Variants in PLEKHH2 observed in about 807,000 individuals in gnomAD.
The protein encoded by PLEKHH2 is pleckstrin homology, MyTH4 and FERM domain containing H2, also known as pleckstrin homology domain-containing family H member 2.
Under a neutral mutation model 187.9 loss-of-function variants are expected in PLEKHH2, and 129 were observed. The ratio of observed to expected loss-of-function variants is 0.69; its 90% CI spans 0.59 to 0.79. The LOEUF (loss-of-function observed/expected upper bound fraction) is 0.79. PLEKHH2 is among the 30% of genes least tolerant of loss of function. The pLI is 0.00. For missense variants in PLEKHH2, 2,076 were observed against 1,751.2 expected (o/e 1.19, Z -3.31); for synonymous variants, 686 against 605.6 (o/e 1.13, Z -1.95).
In PLEKHH2 at chr2:43,700,554, G is replaced by C; in HGVS notation, c.1596G>C (p.Lys532Asn). The C allele has an allele frequency of 6.2e-7, 1 of 1,613,430 alleles. No individual in the cohort carries two copies. The highest frequency in any genetic ancestry group is 1.1e-5 in the South Asian group (1 of 91,074). Residue 532 changes from lysine to asparagine, a missense_variant, in exon 8 of 30, where the codon AAG (lysine) becomes AAC (asparagine). Physicochemically the swap from Lys to Asn is moderately conservative, Grantham distance 94. Coordinates refer to ENST00000282406, the MANE Select transcript of PLEKHH2 (RefSeq NM_172069.4). ...SDDQEHCDSAKKVAYSKPPTP... is the reference protein window; with the variant it reads ...SDDQEHCDSANKVAYSKPPTP... ...ACCAGGAACACTGTGACTCAGCAAA[G>C]AAGGTGGCATACAGCAAACCTCCAA...
chr2:43,762,201 T>G, intron 27 of PLEKHH2, 103 bp from the exon 28 acceptor site: 1 of 865,350 alleles, frequency 1.2e-6, no homozygotes, highest in Non-Finnish European at 1.8e-6. Flanking sequence ...TTTGTTGTTA[T>G]TATTGTTGTT....
At chr2:43,682,273 T>C (rs1443425948) in intron 3 of PLEKHH2, among the ~76,000 whole-genome samples, 1 of 152,216 alleles carries the variant, frequency 6.6e-6, no homozygotes, top group Admixed American at 6.5e-5. Flanking sequence ...GCTTCTGTGT[T>C]TTGTTCTTTA....
intron 3 of PLEKHH2, among the ~76,000 whole-genome samples, chr2:43,679,297 C>G (rs1668038441): frequency 6.6e-6 from 1 of 151,982 alleles, no homozygotes; most frequent in Admixed American, 6.6e-5. Context: ...AAAGTAAACT[C>G]TATCAACTCC....
intron 17 of PLEKHH2, among the ~76,000 whole-genome samples, chr2:43,727,945 T>C (rs899920841): frequency 2.0e-5 from 3 of 152,194 alleles, no homozygotes; most frequent in Admixed American, 1.3e-4. Context: ...CTTACGCTCA[T>C]CTGTAATCAA....
At chr2:43,709,489 T>C (rs1259323970) in intron 11 of PLEKHH2, among the ~76,000 whole-genome samples, 2 of 152,222 alleles carry the variant, frequency 1.3e-5, no homozygotes, top group African/African-American at 4.8e-5. Context: ...AGCTGTGTGA[T>C]TGTAATCATA....
chr2:43,675,556 A>G (rs888430503), intron 2 of PLEKHH2: 3 of 1,613,800 alleles, frequency 1.9e-6, no homozygotes, highest in Non-Finnish European at 2.5e-6. Context: ...GTTATTAGAC[A>G]ATGCCTCTTC....
rs1252064075 is a variant in PLEKHH2, at chr2:43,766,208, T to C, written c.*610T>C. 6.5e-6 allele frequency: 1 copy of C among 152,726 alleles called. No individual in the cohort carries two copies. The highest frequency in any genetic ancestry group is 1.5e-5 in the Non-Finnish European group (1 of 68,072). The allele number at this position is 152,726 out of a possible 1,614,324, so 9.5% of individuals were successfully genotyped here. A position where few individuals can be genotyped will look rare whatever the true frequency, so the allele number is the denominator to read the frequency against. ...GGTAACCTGAGCCTCCTGTGTGGTATTAGAAAGTATACCGTCACCTTTTCA... is the reference window on the plus strand; with the variant it reads ...GGTAACCTGAGCCTCCTGTGTGGTACTAGAAAGTATACCGTCACCTTTTCA... On this transcript the variant is annotated 3_prime_UTR_variant, in exon 30 of 30. Coordinates refer to ENST00000282406, the MANE Select transcript of PLEKHH2 (RefSeq NM_172069.4).
chr2:43,712,718 G>A (rs552046878), intron 15 of PLEKHH2, among the ~76,000 whole-genome samples: 2 of 151,962 alleles, frequency 1.3e-5, no homozygotes, highest in Non-Finnish European at 2.9e-5. Context: ...TAATCAGTAA[G>A]CAAACAATGA....
intron 24 of PLEKHH2, among the ~76,000 whole-genome samples, chr2:43,750,171 G>A (rs887729920): frequency 1.3e-5 from 2 of 152,032 alleles, no homozygotes; most frequent in South Asian, 2.1e-4. Context: ...AAAATTCCAG[G>A]ATCAAGAGAC....
At chr2:43,713,353 A>AC (rs1193867257) in intron 15 of PLEKHH2, among the ~76,000 whole-genome samples, 1 of 152,148 alleles carries the variant, frequency 6.6e-6, no homozygotes, top group East Asian at 1.9e-4. Flanking sequence ...CATTTCCATT[A>AC]CCCCAGAAAG....
intron 2 of PLEKHH2, chr2:43,675,857 A>G: frequency 2.5e-6 from 4 of 1,614,078 alleles, no homozygotes; most frequent in South Asian, 1.1e-5. Flanking sequence ...CTTGTAAACA[A>G]AAGGTACTTT....
chr2:43,759,147 T>C, intron 27 of PLEKHH2, 118 bp downstream of exon 27: 1 of 1,379,960 alleles, frequency 7.2e-7, no homozygotes, highest in Non-Finnish European at 9.6e-7. Context: ...TCCAATAATG[T>C]AAAGAAAACA....
chr2:43,675,736 T>G, intron 2 of PLEKHH2: 2 of 1,613,818 alleles, frequency 1.2e-6, no homozygotes, highest in Non-Finnish European at 1.7e-6. Flanking sequence ...GAGAAGTCTG[T>G]TAAGTCTTTT....
intron 3 of PLEKHH2, chr2:43,680,654 G>T: frequency 2.9e-6 from 1 of 340,674 alleles, no homozygotes. Flanking sequence ...GTGTCTGTTT[G>T]TTTAGTGGTT....
chr2:43,675,927 A>G (rs3828297), intron 2 of PLEKHH2: 1,112,252 of 1,613,680 alleles, frequency 0.69, 391,100 homozygotes, highest in Middle Eastern at 0.74. Context: ...TGTAGTTGTC[A>G]CCATACTTTT....
intron 3 of PLEKHH2, among the ~76,000 whole-genome samples, chr2:43,687,293 G>A (rs1333519489): frequency 6.6e-6 from 1 of 152,110 alleles, no homozygotes; most frequent in African/African-American, 2.4e-5. Context: ...ATGACCTCCA[G>A]TTGCATCCAT....
intron 25 of PLEKHH2, 64 bp from the exon 26 acceptor site, chr2:43,757,055 C>A: frequency 7.8e-7 from 1 of 1,277,160 alleles, no homozygotes; most frequent in Non-Finnish European, 1.0e-6. Context: ...AAAAATAAAA[C>A]TAACTGATTT....
chr2:43,671,023 C>T (rs1667471630), intron 2 of PLEKHH2, among the ~76,000 whole-genome samples: 1 of 149,452 alleles, frequency 6.7e-6, no homozygotes, highest in Non-Finnish European at 1.5e-5. Flanking sequence ...TCGCCCTTGT[C>T]CCCCAGGCTG....
In PLEKHH2 at chr2:43,678,299, A is replaced by G. The variant is rs542372766; in HGVS notation, c.124-564A>G. Reference sequence around the variant, plus strand: ...CAGGCAGAGACGCTCCTCACTTCCCAGACGGGGTGGCGGCCGGGCAGAGGC... The same window carrying G: ...CAGGCAGAGACGCTCCTCACTTCCCGGACGGGGTGGCGGCCGGGCAGAGGC... On this transcript the variant is annotated intron_variant, in intron 2 of 29. Coordinates refer to ENST00000282406, the MANE Select transcript of PLEKHH2 (RefSeq NM_172069.4). Among the ~76,000 whole-genome samples, 316 of 152,186 alleles carry G rather than the reference A, an allele frequency of 2.1e-3. 3 individuals carry two copies. Among genetic ancestry groups the G allele is most frequent in the Middle Eastern group, 0.014 (4 of 294 alleles).
Sources: allele counts gnomAD v4.1 joint callset (sites outside exome capture counted in the v4.1 genomes callset), GRCh38; gene constraint gnomAD v4.1.1; transcripts MANE v1.5; gene names NCBI Gene and HGNC (gene_info 2026-07-23, HGNC 2026-07-21).